Variants in PDE10A observed in about 807,000 individuals in gnomAD.
PDE10A encodes the protein cAMP and cAMP-inhibited cGMP 3',5'-cyclic phosphodiesterase 10A.
A neutral mutation model predicts 97.7 loss-of-function variants in PDE10A; 39 were observed. The ratio of observed to expected loss-of-function variants is 0.40; its 90% CI spans 0.31 to 0.52. PDE10A has a LOEUF of 0.52. PDE10A is among the 20% of genes least tolerant of loss of function. The probability of loss-of-function intolerance (pLI) is 0.56; values close to 1 mark genes in which losing one functional copy is unlikely to be tolerated. For missense variants in PDE10A, 731 were observed against 1,047.8 expected (o/e 0.70, Z 4.17); for synonymous variants, 371 against 376.8 (o/e 0.98, Z 0.18).
At chr6:165,972,280 C>T (rs983868454) in intron 1 of PDE10A, among the ~76,000 whole-genome samples, 3 of 151,918 alleles carry the variant, frequency 2.0e-5, no homozygotes, top group African/African-American at 7.3e-5. Flanking sequence ...TGAGAACTCG[C>T]GGTACCAGCA....
intron 1 of PDE10A, among the ~76,000 whole-genome samples, chr6:165,600,329 T>A (rs1412070214): frequency 1.3e-5 from 2 of 152,178 alleles, no homozygotes; most frequent in Non-Finnish European, 2.9e-5. Flanking sequence ...GAAGGACGAT[T>A]GTCCAGGAAA....
intron 1 of PDE10A, among the ~76,000 whole-genome samples, chr6:165,925,684 A>G (rs1782911862): frequency 1.3e-5 from 2 of 152,248 alleles, no homozygotes; most frequent in South Asian, 4.1e-4. Context: ...GAGAGGGAGA[A>G]CTAAAAAACA....
intron 2 of PDE10A, among the ~76,000 whole-genome samples, chr6:165,510,706 A>G (rs1316507451): frequency 6.6e-6 from 1 of 151,922 alleles, no homozygotes; most frequent in Non-Finnish European, 1.5e-5. Flanking sequence ...TCTTGCTACT[A>G]GTTATTGGTC....
intron 1 of PDE10A, among the ~76,000 whole-genome samples, chr6:165,786,801 T>C (rs1778510386): frequency 6.6e-6 from 1 of 152,228 alleles, no homozygotes; most frequent in African/African-American, 2.4e-5. Flanking sequence ...AAAAACTTGA[T>C]TATAAAACTG....
At chr6:165,770,898 C>T (rs768867696) in intron 1 of PDE10A, among the ~76,000 whole-genome samples, 32 of 152,310 alleles carry the variant, frequency 2.1e-4, no homozygotes, top group Admixed American at 9.1e-4. Flanking sequence ...CACTGCGCCT[C>T]CACCCGGCCA....
chr6:165,593,267 G>A (rs1353751067), intron 1 of PDE10A, among the ~76,000 whole-genome samples: 1 of 152,160 alleles, frequency 6.6e-6, no homozygotes, highest in Non-Finnish European at 1.5e-5. Flanking sequence ...CATGGACACA[G>A]GGAGGGGAAC....
chr6:165,900,919 G>A (rs1450324507), intron 1 of PDE10A, among the ~76,000 whole-genome samples: 1 of 152,206 alleles, frequency 6.6e-6, no homozygotes, highest in Non-Finnish European at 1.5e-5. Flanking sequence ...GAAGCCAGGA[G>A]CAAGTTTGTG....
Position 165,985,674 on chromosome 6 carries a change from G to A in PDE10A, c.-615+1855C>T, listed in dbSNP as rs62425378. Among the ~76,000 whole-genome samples, 810 of 152,224 alleles carry A rather than the reference G, an allele frequency of 5.3e-3. 4 individuals carry two copies. Among genetic ancestry groups the A allele is most frequent in the Non-Finnish European group, 8.5e-3 (576 of 68,006 alleles). On this transcript the variant is annotated intron_variant, in intron 1 of 19. Transcript: ENST00000366882. ...CAAGGAGCCCGAGGGGGATCTCACC[G>A]GCACCCCTGCCCTCTGGACACAGGT...
chr6:165,370,071 T>C (rs1784117581), intron 18 of PDE10A, among the ~76,000 whole-genome samples: 1 of 152,016 alleles, frequency 6.6e-6, no homozygotes, highest in South Asian at 2.1e-4. Flanking sequence ...CAAGAGCTCC[T>C]GAAGGAAGCA....
intron 1 of PDE10A, among the ~76,000 whole-genome samples, chr6:165,902,451 T>C (rs1309089446): frequency 6.6e-6 from 1 of 152,250 alleles, no homozygotes; most frequent in Non-Finnish European, 1.5e-5. Flanking sequence ...TGGCATCACA[T>C]GACATGCATA....
intron 1 of PDE10A, among the ~76,000 whole-genome samples, chr6:165,628,435 A>C (rs9364807): frequency 0.54 from 81,497 of 151,762 alleles, 22,963 homozygotes; most frequent in East Asian, 0.73. Context: ...CTCAATGTAG[A>C]CTCAAACTCC....
At chr6:165,920,392 C>A (rs374202542) in intron 1 of PDE10A, among the ~76,000 whole-genome samples, 1 of 152,200 alleles carries the variant, frequency 6.6e-6, no homozygotes, top group Non-Finnish European at 1.5e-5. Context: ...AACCAATCAT[C>A]TTCTACATGA....
Position 165,418,669 on chromosome 6 carries a change from C to A in PDE10A, c.1762G>T (p.Gly588Ter). ...DLFDIGEEKE[G>*]KPVFKKTKEI... Reference sequence around the variant, plus strand: ...TTGGTCTTCTTGAAGACAGGTTTTCCTTCCTTTTCCTCTCCAATATCAAAA... The same window carrying A: ...TTGGTCTTCTTGAAGACAGGTTTTCATTCCTTTTCCTCTCCAATATCAAAA... The change falls in exon 11 of 22, where the codon GGA becomes TGA. Residue 588 changes from glycine to a stop codon, truncating the protein, a stop_gained. Coordinates refer to ENST00000539869, the MANE Select transcript of PDE10A (RefSeq NM_001385079.1). LOFTEE classifies it high-confidence loss of function. The surrounding 1 kb of genome is among the most constrained non-coding windows in gnomAD (Gnocchi z 4.8). 1 of 1,613,470 alleles carries A rather than the reference C, an allele frequency of 6.2e-7. No individual in the cohort carries two copies. The highest frequency in any genetic ancestry group is 8.5e-7 in the Non-Finnish European group (1 of 1,179,762).
At chr6:165,508,304 G>C (rs1407295107) in intron 2 of PDE10A, among the ~76,000 whole-genome samples, 2 of 152,032 alleles carry the variant, frequency 1.3e-5, no homozygotes, top group Non-Finnish European at 2.9e-5. Context: ...TGTATAAACA[G>C]AGTAGCATAG....
At chr6:165,696,864 G>A (rs1791455945) in intron 1 of PDE10A, among the ~76,000 whole-genome samples, 1 of 152,164 alleles carries the variant, frequency 6.6e-6, no homozygotes, top group African/African-American at 2.4e-5. Flanking sequence ...AAAGAGCCAA[G>A]AGGAAATTAT....
chr6:165,570,829 T>C (rs1439734289), intron 1 of PDE10A, among the ~76,000 whole-genome samples: 1 of 151,800 alleles, frequency 6.6e-6, no homozygotes, highest in East Asian at 1.9e-4. Flanking sequence ...AATCAGCAAA[T>C]ACTTGACCAA....
chr6:165,703,972 G>C (rs1265673259), intron 1 of PDE10A, among the ~76,000 whole-genome samples: 1 of 152,222 alleles, frequency 6.6e-6, no homozygotes, highest in African/African-American at 2.4e-5. Context: ...GGAAAGTGCA[G>C]CTTCCAGCAT....
At chr6:165,416,385 A>G in intron 11 of PDE10A, 104 bp from the exon 12 acceptor site, 1 of 777,692 alleles carries the variant, frequency 1.3e-6, no homozygotes. Context: ...GCACTGTTTT[A>G]CTTAAATGCG....
At chr6:165,826,692 A>T (rs114327857) in intron 1 of PDE10A, among the ~76,000 whole-genome samples, 2,813 of 151,858 alleles carry the variant, frequency 0.019, 87 homozygotes, top group African/African-American at 0.063. Flanking sequence ...GACCAGAGGC[A>T]CGGTGGGAGC....
Sources: allele counts gnomAD v4.1 joint callset (sites outside exome capture counted in the v4.1 genomes callset), GRCh38; gene constraint gnomAD v4.1.1; non-coding constraint Gnocchi (gnomAD v3.1); transcripts MANE v1.5; gene names NCBI Gene and HGNC (gene_info 2026-07-23, HGNC 2026-07-21).